Variants in COL10A1 observed in about 807,000 individuals in gnomAD.
The protein encoded by COL10A1 is collagen alpha-1(X) chain.
COL10A1 carries 10 observed loss-of-function variants against 18.2 expected under a neutral mutation model. That is an observed-to-expected ratio of 0.55 (90% CI 0.34 to 0.93). COL10A1 has a LOEUF of 0.93. Among genes scored for constraint, COL10A1 ranks in the 40% least tolerant of loss-of-function variants. The pLI is 0.02. For synonymous variants in COL10A1, 330 were observed against 316.6 expected (o/e 1.04, Z -0.45); for missense variants, 897 against 853.5 (o/e 1.05, Z -0.64).
chr6:116,199,009 G>C, the COL10A1 span, among the ~76,000 whole-genome samples: 1 of 151,994 alleles, frequency 6.6e-6, no homozygotes, highest in African/African-American at 2.4e-5. Context: ...TGTTGGAGGA[G>C]CTGTTCTGTG....
At chr6:116,135,879 A>ATGTATGTATGTATATATATATATATG (rs1779588376) in intron 1 of COL10A1, among the ~76,000 whole-genome samples, 2 of 146,200 alleles carry the variant, frequency 1.4e-5, no homozygotes, top group African/African-American at 5.0e-5. Flanking sequence ...ATATACACAC[A>ATGTATGTATGTATATATATATATATG]TACACACACA....
chr6:116,153,825 T>TA (rs1035772547), intron 1 of COL10A1, among the ~76,000 whole-genome samples: 6 of 152,276 alleles, frequency 3.9e-5, no homozygotes, highest in African/African-American at 1.2e-4. Flanking sequence ...ATTGTTTCCT[T>TA]ACCTTCTCTG....
upstream of COL10A1, among the ~76,000 whole-genome samples, chr6:116,126,587 A>G (rs1779319353): frequency 6.6e-6 from 1 of 152,176 alleles, no homozygotes; most frequent in South Asian, 2.1e-4. Context: ...CAATGTGTCT[A>G]TTAATATTCA....
chr6:116,193,916 T>C, the COL10A1 span, among the ~76,000 whole-genome samples: 1 of 151,862 alleles, frequency 6.6e-6, no homozygotes, highest in Non-Finnish European at 1.5e-5. Flanking sequence ...ATACAGAAAG[T>C]AGTCAGATGT....
chr6:116,177,138 C>T, the COL10A1 span, among the ~76,000 whole-genome samples: 1 of 152,140 alleles, frequency 6.6e-6, no homozygotes, highest in Non-Finnish European at 1.5e-5. Flanking sequence ...TGAATTGATG[C>T]ATACGACTAT....
rs1055993555 is a variant in COL10A1 at position 116,120,182 on chromosome 6, G to A, written c.1934C>T (p.Thr645Ile). Residue 645 changes from threonine to isoleucine, a missense_variant, in exon 3 of 3, where the codon ACA becomes ATA. Coordinates refer to ENST00000651968, the MANE Select transcript of COL10A1 (RefSeq NM_000493.4). ...CTGGAGCCACACCTGGTCATTTTCT[G>A]TGAGATCGATGATGGCACTCCCTGA... ...QASGSAIIDL[T>I]ENDQVWLQLP... The A allele has an allele frequency of 6.2e-7, 1 of 1,614,146 alleles. No individual in the cohort carries two copies. The highest frequency in any genetic ancestry group is 1.3e-5 in the African/African-American group (1 of 75,042).
chr6:116,168,062 G>A, the COL10A1 span, among the ~76,000 whole-genome samples: 6 of 144,032 alleles, frequency 4.2e-5, no homozygotes, highest in Admixed American at 1.4e-4. Flanking sequence ...TTTCATCTTC[G>A]ATTTATGATG....
chr6:116,131,349 A>G (rs1407827248), intron 1 of COL10A1, among the ~76,000 whole-genome samples: 1 of 152,202 alleles, frequency 6.6e-6, no homozygotes, highest in Non-Finnish European at 1.5e-5. Flanking sequence ...TTCTGTATGT[A>G]ACTATTTTTA....
At chr6:116,205,334 A>T in the COL10A1 span, among the ~76,000 whole-genome samples, 1 of 151,770 alleles carries the variant, frequency 6.6e-6, no homozygotes, top group Non-Finnish European at 1.5e-5. Flanking sequence ...AAGACTTCAG[A>T]CTTTTTTTTT....
chr6:116,215,561 C>T, the COL10A1 span, among the ~76,000 whole-genome samples: 1 of 152,132 alleles, frequency 6.6e-6, no homozygotes, highest in African/African-American at 2.4e-5. Flanking sequence ...ACCCTCCCAG[C>T]TGTCAGCGTC....
intron 1 of COL10A1, among the ~76,000 whole-genome samples, chr6:116,131,628 A>G (rs902518958): frequency 6.6e-6 from 1 of 152,150 alleles, no homozygotes; most frequent in Non-Finnish European, 1.5e-5. Flanking sequence ...CCATTGCCCT[A>G]TAGGTGGACA....
intron 1 of COL10A1, 36 bp from the exon 2 acceptor site, chr6:116,125,543 G>T: frequency 6.3e-7 from 1 of 1,582,428 alleles, no homozygotes; most frequent in Non-Finnish European, 8.7e-7. Context: ...ATACAGCATT[G>T]TTATTAACCT....
At chr6:116,216,198 A>G in the COL10A1 span, among the ~76,000 whole-genome samples, 1 of 152,184 alleles carries the variant, frequency 6.6e-6, no homozygotes, top group South Asian at 2.1e-4. Flanking sequence ...TAACATGTAC[A>G]AGGCTATATG....
At chr6:116,138,763 A>G (rs1429002736) in intron 1 of COL10A1, among the ~76,000 whole-genome samples, 1 of 152,128 alleles carries the variant, frequency 6.6e-6, no homozygotes, top group Non-Finnish European at 1.5e-5. Flanking sequence ...TGTAGTATTT[A>G]TATTTGTATA....
the COL10A1 span, among the ~76,000 whole-genome samples, chr6:116,181,703 T>C: frequency 1.3e-5 from 2 of 151,974 alleles, no homozygotes; most frequent in African/African-American, 4.8e-5. Flanking sequence ...ACAAAACCTA[T>C]TGCAAGCTTT....
the COL10A1 span, among the ~76,000 whole-genome samples, chr6:116,166,800 A>T: frequency 6.6e-6 from 1 of 152,220 alleles, no homozygotes; most frequent in Admixed American, 6.5e-5. Flanking sequence ...TGGTTCCCTG[A>T]TGTAAACTTC....
intron 1 of COL10A1, among the ~76,000 whole-genome samples, chr6:116,152,774 T>C (rs1159464412): frequency 6.6e-6 from 1 of 152,184 alleles, no homozygotes; most frequent in Non-Finnish European, 1.5e-5. Context: ...TCTAATATAG[T>C]TCTTGGCACC....
intron 1 of COL10A1, chr6:116,125,800 A>C (rs1197945701): frequency 4.0e-6 from 1 of 252,502 alleles, no homozygotes; most frequent in Admixed American, 5.2e-5. Context: ...AGGATCTTTG[A>C]CATAGCCTGA....
chr6:116,158,454 A>G (rs1164943046), intron 1 of COL10A1, among the ~76,000 whole-genome samples: 1 of 152,228 alleles, frequency 6.6e-6, no homozygotes. Flanking sequence ...AAACTTAGCA[A>G]TCTTATGAGA....
Sources: gnomAD v4.1 joint callset for allele counts (sites outside exome capture counted in the v4.1 genomes callset) on GRCh38, gnomAD v4.1.1 for gene constraint, MANE v1.5 for transcripts, NCBI Gene and HGNC (gene_info 2026-07-23, HGNC 2026-07-21) for gene names.